The following KCTD16 variants were observed in gnomAD, a reference collection of about 807,000 sequenced individuals.
The protein encoded by KCTD16 is BTB/POZ domain-containing protein KCTD16.
Under a neutral mutation model 33.2 loss-of-function variants are expected in KCTD16, and 13 were observed. That is an observed-to-expected ratio of 0.39 (90% CI 0.25 to 0.62). The LOEUF (loss-of-function observed/expected upper bound fraction) is 0.62. Ranked by LOEUF, KCTD16 falls within the 20% of genes least tolerant of loss-of-function variation. KCTD16 has a pLI of 0.50. For synonymous variants in KCTD16, 197 were observed against 195.3 expected (o/e 1.01, Z -0.07); for missense variants, 441 against 525.1 (o/e 0.84, Z 1.57).
At chr5:144,333,533 C>A (rs1334082766) in intron 3 of KCTD16, among the ~76,000 whole-genome samples, 1 of 151,944 alleles carries the variant, frequency 6.6e-6, no homozygotes, top group Non-Finnish European at 1.5e-5. Flanking sequence ...TCACTCAGTT[C>A]ATTTGTTTGT....
At chr5:144,212,606 C>T (rs1753431742) in intron 3 of KCTD16, among the ~76,000 whole-genome samples, 1 of 152,158 alleles carries the variant, frequency 6.6e-6, no homozygotes. Flanking sequence ...CCTCCAAACA[C>T]AAAACACGGA....
At chr5:144,346,679 C>T (rs1037164911) in intron 3 of KCTD16, among the ~76,000 whole-genome samples, 1 of 152,156 alleles carries the variant, frequency 6.6e-6, no homozygotes, top group East Asian at 1.9e-4. Context: ...CTATTCAAAT[C>T]TTTTGACCAT....
intron 3 of KCTD16, among the ~76,000 whole-genome samples, chr5:144,280,500 T>C (rs916306010): frequency 8.5e-5 from 13 of 152,224 alleles, no homozygotes; most frequent in Admixed American, 2.6e-4. Flanking sequence ...TTAATGTCTG[T>C]GGAGTCTGTA....
chr5:144,309,475 T>G (rs1035665661), intron 3 of KCTD16, among the ~76,000 whole-genome samples: 3 of 152,138 alleles, frequency 2.0e-5, no homozygotes, highest in Non-Finnish European at 4.4e-5. Flanking sequence ...CATATTTGAA[T>G]GAAGTCTTCA....
intron 3 of KCTD16, among the ~76,000 whole-genome samples, chr5:144,230,443 G>A (rs1012057936): frequency 2.6e-5 from 4 of 152,202 alleles, no homozygotes; most frequent in Non-Finnish European, 4.4e-5. Flanking sequence ...GCTGAAAGGT[G>A]TGAATCCTCA....
At chr5:144,264,553 A>G (rs1049122620) in intron 3 of KCTD16, among the ~76,000 whole-genome samples, 3 of 152,306 alleles carry the variant, frequency 2.0e-5, no homozygotes, top group Admixed American at 6.5e-5. Flanking sequence ...TCTTGAGCCC[A>G]GGAGTTCGAG....
At chr5:144,246,294 T>A (rs1754547620) in intron 3 of KCTD16, among the ~76,000 whole-genome samples, 1 of 152,130 alleles carries the variant, frequency 6.6e-6, no homozygotes. Context: ...TGAATATAAT[T>A]CCAGGTAACA....
At chr5:144,362,205 C>T (rs1284600881) in intron 3 of KCTD16, among the ~76,000 whole-genome samples, 1 of 152,046 alleles carries the variant, frequency 6.6e-6, no homozygotes, top group Non-Finnish European at 1.5e-5. Context: ...CTTTTAGACC[C>T]CAAGAATTTC....
At chr5:144,354,307 C>T (rs764493360) in intron 3 of KCTD16, among the ~76,000 whole-genome samples, 2 of 152,116 alleles carry the variant, frequency 1.3e-5, no homozygotes, top group Non-Finnish European at 2.9e-5. Context: ...TGATCATTCT[C>T]TTATTAATAT....
intron 3 of KCTD16, among the ~76,000 whole-genome samples, chr5:144,437,224 C>T (rs1753599132): frequency 6.6e-6 from 1 of 152,138 alleles, no homozygotes; most frequent in Non-Finnish European, 1.5e-5. Context: ...GTGTGAATTT[C>T]TGGGAGTAAT....
At chr5:144,389,055 C>G (rs1179480926) in intron 3 of KCTD16, among the ~76,000 whole-genome samples, 3 of 152,158 alleles carry the variant, frequency 2.0e-5, no homozygotes, top group African/African-American at 7.2e-5. Flanking sequence ...CTGAGGGTAG[C>G]ATCCTTCCCT....
intron 3 of KCTD16, among the ~76,000 whole-genome samples, chr5:144,434,088 A>G (rs1258024214): frequency 2.0e-5 from 3 of 152,168 alleles, no homozygotes; most frequent in East Asian, 1.9e-4. Context: ...GCTTTCTTCA[A>G]TGAAACTAAA....
At chr5:144,394,670 T>C (rs1752525741) in intron 3 of KCTD16, among the ~76,000 whole-genome samples, 2 of 152,194 alleles carry the variant, frequency 1.3e-5, no homozygotes, top group Admixed American at 1.3e-4. Context: ...GTTCTTGTGA[T>C]AGTGAGTGAG....
chr5:144,219,778 C>G (rs910905637), intron 3 of KCTD16, among the ~76,000 whole-genome samples: 1 of 152,160 alleles, frequency 6.6e-6, no homozygotes, highest in African/African-American at 2.4e-5. Context: ...CCCGCCTCGG[C>G]CTCCCAAAGT....
At chr5:144,382,606 A>G (rs1752241060) in intron 3 of KCTD16, among the ~76,000 whole-genome samples, 1 of 152,170 alleles carries the variant, frequency 6.6e-6, no homozygotes, top group Admixed American at 6.6e-5. Context: ...AAACTACAAG[A>G]AAACTGGAAA....
chr5:144,188,505 A>T (rs1752773486), intron 2 of KCTD16, among the ~76,000 whole-genome samples: 2 of 152,190 alleles, frequency 1.3e-5, no homozygotes, highest in African/African-American at 4.8e-5. Context: ...GGCTAGGCTG[A>T]TGGTTAGTAG....
chr5:144,366,228 C>G (rs927074851), intron 3 of KCTD16, among the ~76,000 whole-genome samples: 2 of 152,128 alleles, frequency 1.3e-5, no homozygotes, highest in Non-Finnish European at 2.9e-5. Flanking sequence ...ACTATGATAA[C>G]ACCTGCAATC....
At chr5:144,361,238 C>T (rs938087080) in intron 3 of KCTD16, among the ~76,000 whole-genome samples, 1 of 152,068 alleles carries the variant, frequency 6.6e-6, no homozygotes, top group Non-Finnish European at 1.5e-5. Flanking sequence ...ATGAACACCT[C>T]TGTCTTTATA....
chr5:144,326,273 G>T (rs1752206060), intron 3 of KCTD16, among the ~76,000 whole-genome samples: 1 of 152,102 alleles, frequency 6.6e-6, no homozygotes, highest in Non-Finnish European at 1.5e-5. Flanking sequence ...TGACAATAAA[G>T]TCTGTGAAGT....
Sources: gnomAD v4.1 joint callset for allele counts (sites outside exome capture counted in the v4.1 genomes callset) on GRCh38, gnomAD v4.1.1 for gene constraint, MANE v1.5 for transcripts, NCBI Gene and HGNC (gene_info 2026-07-23, HGNC 2026-07-21) for gene names.